SPATS2: variants seen among roughly 807,000 people sequenced by gnomAD.
The protein encoded by SPATS2 is spermatogenesis associated serine rich 2, also known as spermatogenesis-associated serine-rich protein 2.
Under a neutral mutation model 63.7 loss-of-function variants are expected in SPATS2, and 38 were observed. The ratio of observed to expected loss-of-function variants is 0.60; its 90% CI spans 0.46 to 0.78. The LOEUF is 0.78. Among genes scored for constraint, SPATS2 ranks in the 30% least tolerant of loss-of-function variants. The probability of loss-of-function intolerance (pLI) is 0.00; values close to 1 mark genes in which losing one functional copy is unlikely to be tolerated. For synonymous variants in SPATS2, 207 were observed against 232.9 expected (o/e 0.89, Z 1.01); for missense variants, 588 against 666.2 (o/e 0.88, Z 1.29).
intron 2 of SPATS2, among the ~76,000 whole-genome samples, chr12:49,447,188 C>G (rs1003766964): frequency 6.6e-6 from 1 of 152,170 alleles, no homozygotes; most frequent in African/African-American, 2.4e-5. Context: ...CCTTGGCCTC[C>G]CAGAGTGCTG....
intron 2 of SPATS2, among the ~76,000 whole-genome samples, chr12:49,433,762 T>C (rs566112240): frequency 6.6e-6 from 1 of 152,334 alleles, no homozygotes; most frequent in South Asian, 2.1e-4. Context: ...TTTTACTTCA[T>C]TGATTGCTTA....
chr12:49,373,626 C>T (rs750761816), intron 2 of SPATS2, among the ~76,000 whole-genome samples: 15 of 151,294 alleles, frequency 9.9e-5, no homozygotes, highest in Admixed American at 2.0e-4. Context: ...CCTGTCTCTG[C>T]AAACAATTAA....
intron 7 of SPATS2, among the ~76,000 whole-genome samples, chr12:49,495,811 ATTT>A (rs1006449528): frequency 1.8e-4 from 28 of 152,292 alleles, no homozygotes; most frequent in African/African-American, 6.5e-4. Flanking sequence ...TGATATTATT[ATTT>A]TAAGACCCAA....
chr12:49,376,040 T>G (rs867637403), intron 2 of SPATS2, among the ~76,000 whole-genome samples: 3 of 151,486 alleles, frequency 2.0e-5, no homozygotes, highest in South Asian at 4.2e-4. Context: ...TCCTTCTGTC[T>G]TGGCCTCCCA....
chr12:49,479,331 G>T (rs1444174251), intron 3 of SPATS2, among the ~76,000 whole-genome samples: 1 of 152,200 alleles, frequency 6.6e-6, no homozygotes, highest in African/African-American at 2.4e-5. Flanking sequence ...CCAAGAATCT[G>T]CCTGCCTCCT....
At chr12:49,514,657 AG>A in intron 10 of SPATS2, 44 bp downstream of exon 10, 1 of 1,568,528 alleles carries the variant, frequency 6.4e-7, no homozygotes. Context: ...CTTCATAAAT[AG>A]TAGGTACCTA....
At chr12:49,518,965 C>A in intron 10 of SPATS2, 108 bp from the exon 11 acceptor site, 1 of 701,138 alleles carries the variant, frequency 1.4e-6, no homozygotes, top group Non-Finnish European at 2.2e-6. Flanking sequence ...GGTGGATAGG[C>A]AGCTAAGCCT....
At position 49,497,373 on chromosome 12, in the gene SPATS2, C is replaced by G. The variant is rs560840678; in HGVS notation, c.703+364C>G. ...CTGGTTGACCCAACAAGTAAAAGCTCTACCTTCTCTGACATTGACTTTTTT... is the reference window on the plus strand; with the variant it reads ...CTGGTTGACCCAACAAGTAAAAGCTGTACCTTCTCTGACATTGACTTTTTT... On this transcript the variant is annotated intron_variant, in intron 8 of 13. Coordinates refer to ENST00000552918, the MANE Select transcript of SPATS2 (RefSeq NM_023071.4). Among the ~76,000 whole-genome samples the G allele has an allele frequency of 4.0e-5, 6 of 151,368 alleles. No homozygotes were observed. In the South Asian group the frequency reaches 1.3e-3, roughly 32 times the overall value.
chr12:49,446,287 A>G lies in SPATS2; in HGVS notation c.-243-14483A>G, dbSNP rs540738178. Reference sequence around the variant, plus strand: ...TTTTTTAGTTTTCCATTGCTGCTGTAACAAATTACCACAAACTTAATGACT... The same window carrying G: ...TTTTTTAGTTTTCCATTGCTGCTGTGACAAATTACCACAAACTTAATGACT... On this transcript the variant is annotated intron_variant, in intron 2 of 13. Transcript: ENST00000552918. 1.8e-4 allele frequency among the ~76,000 whole-genome samples: 27 copies of G among 152,300 alleles called. No homozygotes were observed. In the South Asian group the frequency reaches 5.0e-3, roughly 28 times the overall value.
intron 2 of SPATS2, among the ~76,000 whole-genome samples, chr12:49,372,082 G>A (rs1214826958): frequency 6.6e-6 from 1 of 151,200 alleles, no homozygotes; most frequent in East Asian, 1.9e-4. Flanking sequence ...GTCTTGTTCT[G>A]TCGCCCAGGC....
chr12:49,450,042 C>T (rs1945590559), intron 2 of SPATS2, among the ~76,000 whole-genome samples: 1 of 151,974 alleles, frequency 6.6e-6, no homozygotes, highest in Non-Finnish European at 1.5e-5. Context: ...AATATGATTT[C>T]TCTCTGTCTC....
intron 3 of SPATS2, among the ~76,000 whole-genome samples, chr12:49,482,784 C>T (rs1946227627): frequency 1.3e-5 from 2 of 151,936 alleles, no homozygotes; most frequent in African/African-American, 2.4e-5. Context: ...TGCAGAACTA[C>T]CCTTTGTTTT....
chr12:49,519,939 C>T (rs926614689), intron 11 of SPATS2, among the ~76,000 whole-genome samples: 1 of 151,854 alleles, frequency 6.6e-6, no homozygotes, highest in African/African-American at 2.4e-5. Flanking sequence ...TCCAGCCTCC[C>T]GAGTAGCTGG....
chr12:49,512,964 C>G (rs2138032497), intron 9 of SPATS2: 1 of 1,253,190 alleles, frequency 8.0e-7, no homozygotes, highest in Non-Finnish European at 1.0e-6. Context: ...TATCTTCTCT[C>G]CAGTTTGATG....
At chr12:49,507,565 G>A (rs907928875) in intron 9 of SPATS2, among the ~76,000 whole-genome samples, 5 of 151,924 alleles carry the variant, frequency 3.3e-5, no homozygotes, top group Admixed American at 2.0e-4. Flanking sequence ...AATTATAATC[G>A]TTTTATTAGA....
At chr12:49,436,343 C>T (rs1178162005) in intron 2 of SPATS2, among the ~76,000 whole-genome samples, 45 of 144,864 alleles carry the variant, frequency 3.1e-4, no homozygotes, top group Non-Finnish European at 5.1e-4. Context: ...GCAGTAGGGG[C>T]GGCCGGGCAG....
chr12:49,443,108 C>T (rs1210954950), intron 2 of SPATS2, among the ~76,000 whole-genome samples: 1 of 152,094 alleles, frequency 6.6e-6, no homozygotes, highest in Non-Finnish European at 1.5e-5. Context: ...AATAATATTC[C>T]ATTGTATGTA....
At chr12:49,373,336 T>C (rs1944035308) in intron 2 of SPATS2, among the ~76,000 whole-genome samples, 1 of 152,174 alleles carries the variant, frequency 6.6e-6, no homozygotes, top group South Asian at 2.1e-4. Context: ...CTTCATGATA[T>C]TATTGGGTGA....
At chr12:49,400,622 C>G (rs767184195) in intron 2 of SPATS2, among the ~76,000 whole-genome samples, 6 of 151,980 alleles carry the variant, frequency 3.9e-5, no homozygotes, top group African/African-American at 7.2e-5. Flanking sequence ...GAGGACAGGG[C>G]AAATGGTGGT....
Sources: allele counts gnomAD v4.1 joint callset (sites outside exome capture counted in the v4.1 genomes callset), GRCh38; gene constraint gnomAD v4.1.1; transcripts MANE v1.5; gene names NCBI Gene and HGNC (gene_info 2026-07-23, HGNC 2026-07-21).